RP1: variants seen among roughly 807,000 people sequenced by gnomAD.
The protein encoded by RP1 is RP1 axonemal microtubule associated, also known as oxygen-regulated protein 1.
Under a neutral mutation model 14.8 loss-of-function variants are expected in RP1, and 16 were observed. The ratio of observed to expected loss-of-function variants is 1.08; its 90% confidence interval spans 0.73 to 1.65. The LOEUF is 1.65. Among genes scored for constraint, RP1 ranks in the 40% most tolerant of loss-of-function variants. The pLI is 0.00. For missense variants in RP1, 2,631 were observed against 2,535.0 expected (o/e 1.04, Z -0.81); for synonymous variants, 876 against 883.6 (o/e 0.99, Z 0.15).
At chr8:54,653,184 ATGT>A (rs1213756905) in intron 5 of RP1, among the ~76,000 whole-genome samples, 6 of 152,330 alleles carry the variant, frequency 3.9e-5, no homozygotes, top group South Asian at 2.1e-4. Flanking sequence ...TGCTTCAGAA[ATGT>A]TGTAAAGATA....
chr8:54,629,022 T>G lies in RP1; in HGVS notation c.5140T>G (p.Cys1714Gly). The change falls in exon 4 of 4, where the codon TGT (cysteine) becomes GGT (glycine). Residue 1714 changes from cysteine to glycine, a missense_variant. Coordinates refer to ENST00000220676, the MANE Select transcript of RP1 (RefSeq NM_006269.2). Reference sequence around the variant, plus strand: ...TGTTAGTGCTGTGAGGGACAATTATTGTAGGGGTGACATTGTAGAACCTGG... The same window carrying G: ...TGTTAGTGCTGTGAGGGACAATTATGGTAGGGGTGACATTGTAGAACCTGG... ...CDVSAVRDNY[C>G]RGDIVEPGTK... The G allele has an allele frequency of 6.2e-7, 1 of 1,614,060 alleles. No homozygotes were observed. The highest frequency in any genetic ancestry group is 8.5e-7 in the Non-Finnish European group (1 of 1,179,946).
chr8:54,621,719 C>A, intron 2 of RP1, 138 bp downstream of exon 2: 2 of 1,257,382 alleles, frequency 1.6e-6, no homozygotes, highest in East Asian at 2.4e-5. Flanking sequence ...GTGTGTGCTC[C>A]GATGCTGCCT....
chr8:54,702,130 A>G (rs858397), intron 14 of RP1, among the ~76,000 whole-genome samples: 43,173 of 152,000 alleles, frequency 0.28, 6,385 homozygotes, highest in South Asian at 0.38. Flanking sequence ...ATTTTATTCC[A>G]GGCATTTATT....
chr8:54,775,150 T>C (rs1810003117), intron 23 of RP1, among the ~76,000 whole-genome samples: 1 of 151,966 alleles, frequency 6.6e-6, no homozygotes, highest in Admixed American at 6.6e-5. Context: ...ACTGCTAACC[T>C]AGAAAATAGT....
At chr8:54,647,124 A>G (rs1257309284) in intron 3 of RP1, among the ~76,000 whole-genome samples, 1 of 152,212 alleles carries the variant, frequency 6.6e-6, no homozygotes, top group African/African-American at 2.4e-5. Flanking sequence ...GATTTTTTAC[A>G]AACAGGCCAG....
At chr8:54,827,670 G>A (rs1474088376) in intron 24 of RP1, among the ~76,000 whole-genome samples, 3 of 152,010 alleles carry the variant, frequency 2.0e-5, no homozygotes, top group Non-Finnish European at 4.4e-5. Flanking sequence ...AGGCCGAGAC[G>A]GCAGATCACC....
At chr8:54,726,409 G>A (rs1434210257) in exon 17 of RP1, 7 of 1,534,054 alleles carry the variant, frequency 4.6e-6, no homozygotes, top group Non-Finnish European at 6.1e-6. Flanking sequence ...AGATCCATGA[G>A]TCAAAAAAAC....
chr8:54,761,381 C>T (rs931676770), intron 22 of RP1, among the ~76,000 whole-genome samples: 4 of 151,926 alleles, frequency 2.6e-5, no homozygotes, highest in Non-Finnish European at 5.9e-5. Context: ...GGATTACAGG[C>T]ATGTACCACC....
At chr8:54,706,378 G>A (rs1243457552) in intron 14 of RP1, 47 of 1,475,278 alleles carry the variant, frequency 3.2e-5, no homozygotes, top group Non-Finnish European at 4.0e-5. Flanking sequence ...CTCTATAGTT[G>A]TCTCCCTCTA....
rs376482823 is a variant in RP1, at chr8:54,687,120, T to A, written c.1717+7187T>A. ...TATTATTAAAAAGAATCTTTTGTATTACTCAATTCCTAGAAAGAATCAGGA... is the reference window on the plus strand; with the variant it reads ...TATTATTAAAAAGAATCTTTTGTATAACTCAATTCCTAGAAAGAATCAGGA... On this transcript the variant is annotated intron_variant, in intron 12 of 22. Transcript: ENST00000636932. 2.3e-4 allele frequency among the ~76,000 whole-genome samples: 35 copies of A among 152,274 alleles called. No homozygotes were observed. The South Asian group carries it at 7.0e-3, about 31-fold the overall frequency.
At position 54,629,684 on chromosome 8, in the gene RP1, A is replaced by T; in HGVS notation, c.5802A>T (p.Gly1934=). 6.2e-7 allele frequency: 1 copy of T among 1,613,742 alleles called. No homozygotes were observed. Among genetic ancestry groups the T allele is most frequent in the Non-Finnish European group, 8.5e-7 (1 of 1,179,902 alleles). ...AACCCATGAATGAGGAAGACCGAGG[A>T]TTTGCATATCGCAAAGAATCTGATA... ...IIQPMNEEDR[G]FAYRKESDIE... The change falls in exon 4 of 4, where the codon GGA becomes GGT. Residue 1934 remains glycine, a synonymous_variant. Transcript: ENST00000220676.
chr8:54,734,744 G>A (rs1445005610), exon 18 of RP1: 1 of 1,526,672 alleles, frequency 6.6e-7, no homozygotes, highest in African/African-American at 1.4e-5. Flanking sequence ...ATGAGTTTCA[G>A]GTAAACAACA....
chr8:54,866,799 G>GCCCAC (rs1812468825), intron 28 of RP1, among the ~76,000 whole-genome samples: 1 of 152,196 alleles, frequency 6.6e-6, no homozygotes, highest in Admixed American at 6.5e-5. Context: ...GGCAATGAGA[G>GCCCAC]AGGCTTATAT....
intron 14 of RP1, among the ~76,000 whole-genome samples, chr8:54,701,861 A>G (rs997902076): frequency 2.0e-5 from 3 of 152,146 alleles, no homozygotes; most frequent in Non-Finnish European, 4.4e-5. Context: ...TGACACTCTG[A>G]GGGGATTAAT....
intron 24 of RP1, among the ~76,000 whole-genome samples, chr8:54,791,410 T>C (rs1810463213): frequency 1.3e-5 from 2 of 152,080 alleles, no homozygotes; most frequent in South Asian, 2.1e-4. Flanking sequence ...ATGAAACTTG[T>C]TGTAAAAATA....
At chr8:54,756,750 A>T (rs922364312) in intron 21 of RP1, among the ~76,000 whole-genome samples, 9 of 152,206 alleles carry the variant, frequency 5.9e-5, no homozygotes, top group Non-Finnish European at 1.3e-4. Context: ...CTACTTGAGG[A>T]TAAATGGCAG....
chr8:54,673,762 C>CAAA (rs1199657307), intron 7 of RP1: 1 of 1,160,676 alleles, frequency 8.6e-7, no homozygotes, highest in Admixed American at 2.2e-5. Context: ...ACAACAACAA[C>CAAA]AACAACAAAC....
intron 1 of RP1, among the ~76,000 whole-genome samples, chr8:54,620,325 A>C (rs899816662): frequency 2.0e-5 from 3 of 152,246 alleles, no homozygotes; most frequent in Non-Finnish European, 4.4e-5. Flanking sequence ...TTTAGATAAC[A>C]AATTACCACT....
intron 1 of RP1, 121 bp from the exon 2 acceptor site, chr8:54,620,834 A>G: frequency 1.0e-6 from 1 of 977,948 alleles, no homozygotes; most frequent in East Asian, 2.4e-5. Flanking sequence ...TGAATAAATG[A>G]ATGAAAGAAT....
Sources: gnomAD v4.1 joint callset for allele counts (sites outside exome capture counted in the v4.1 genomes callset) on GRCh38, gnomAD v4.1.1 for gene constraint, MANE v1.5 for transcripts, NCBI Gene and HGNC (gene_info 2026-07-23, HGNC 2026-07-21) for gene names.